ALK: variants seen among roughly 807,000 people sequenced by gnomAD.
The protein encoded by ALK is ALK receptor tyrosine kinase, also known as ALK tyrosine kinase receptor.
ALK carries 74 observed loss-of-function variants against 163.1 expected under a neutral mutation model. The observed-to-expected ratio is 0.45, with a 90% CI of 0.38 to 0.55. The LOEUF (loss-of-function observed/expected upper bound fraction) is 0.55, where lower values mean the gene tolerates loss of function less well. Among genes scored for constraint, ALK ranks in the 20% least tolerant of loss-of-function variants. The probability of loss-of-function intolerance (pLI) is 0.00; values close to 1 mark genes in which losing one functional copy is unlikely to be tolerated. For synonymous variants in ALK, 960 were observed against 843.2 expected, an observed-to-expected ratio of 1.14 and a Z score of -2.40; for missense variants, 2,063 against 2,105.3, an observed-to-expected ratio of 0.98 and a Z score of 0.39.
At chr2:29,906,518 T>C (rs72798438) in intron 1 of ALK, among the ~76,000 whole-genome samples, 4,246 of 152,244 alleles carry the variant, frequency 0.028, 184 homozygotes, top group East Asian at 0.2. Flanking sequence ...CTTCAAATGT[T>C]TGAAGGACCC....
intron 3 of ALK, among the ~76,000 whole-genome samples, chr2:29,619,087 T>C (rs1391314688): frequency 6.6e-6 from 1 of 152,116 alleles, no homozygotes; most frequent in Non-Finnish European, 1.5e-5. Context: ...AAGAAACCCA[T>C]AATTTTGTGG....
intron 3 of ALK, among the ~76,000 whole-genome samples, chr2:29,655,222 A>C (rs72784180): frequency 0.051 from 7,714 of 152,228 alleles, 293 homozygotes; most frequent in Non-Finnish European, 0.074. Flanking sequence ...AAACTTGGCA[A>C]TACTGGGGTA....
chr2:29,912,742 G>C (rs185482251), intron 1 of ALK, among the ~76,000 whole-genome samples: 270 of 152,076 alleles, frequency 1.8e-3, no homozygotes, highest in African/African-American at 6.1e-3. Flanking sequence ...AAGTTTAAGA[G>C]AGTTGTAGAA....
At chr2:29,670,436 C>T (rs1677645846) in intron 3 of ALK, among the ~76,000 whole-genome samples, 1 of 151,916 alleles carries the variant, frequency 6.6e-6, no homozygotes. Context: ...TTCTTGATGA[C>T]TGCAGCATCC....
intron 1 of ALK, among the ~76,000 whole-genome samples, chr2:29,740,866 G>C (rs990002201): frequency 3.3e-5 from 5 of 152,150 alleles, no homozygotes; most frequent in Non-Finnish European, 2.9e-5. Context: ...GCCAGGCGTG[G>C]TGGTGGATGC....
chr2:29,223,473 AG>A lies in ALK; in HGVS notation c.3227del (p.Pro1076LeufsTer5). The A allele has an allele frequency of 6.2e-7, 1 of 1,614,120 alleles. No individual in the cohort carries two copies. The highest frequency in any genetic ancestry group is 8.5e-7 in the Non-Finnish European group (1 of 1,180,010). On this transcript the variant is annotated frameshift_variant, in exon 20 of 29. Coordinates refer to ENST00000389048, the MANE Select transcript of ALK (RefSeq NM_004304.5). LOFTEE classifies it high-confidence loss of function. ...LQAMQMELQS[P>X]EYKLSKLRTS... ...TGCGGAGCTTGCTCAGCTTGTACTCAGGGCTCTGCAGCTCCATCTGCATGGC... is the reference window on the plus strand; with the variant it reads ...TGCGGAGCTTGCTCAGCTTGTACTCAGGCTCTGCAGCTCCATCTGCATGGC...
At chr2:29,889,090 T>A (rs1481133045) in intron 1 of ALK, among the ~76,000 whole-genome samples, 3 of 152,178 alleles carry the variant, frequency 2.0e-5, no homozygotes, top group Non-Finnish European at 4.4e-5. Flanking sequence ...AAAAGTGACT[T>A]TGAATATAAA....
intron 4 of ALK, among the ~76,000 whole-genome samples, chr2:29,479,154 T>G (rs9309670): frequency 0.81 from 123,212 of 152,014 alleles, 50,298 homozygotes; most frequent in Non-Finnish European, 0.86. Context: ...GCACTCAGGG[T>G]TCCCTGAACA....
chr2:29,479,114 G>A (rs1332522606), intron 4 of ALK, among the ~76,000 whole-genome samples: 3 of 152,276 alleles, frequency 2.0e-5, no homozygotes, highest in East Asian at 1.9e-4. Flanking sequence ...GAGAAAGGGA[G>A]TGTGTTAGAG....
chr2:29,545,201 G>A (rs1466551097), intron 3 of ALK, among the ~76,000 whole-genome samples: 1 of 152,210 alleles, frequency 6.6e-6, no homozygotes, highest in African/African-American at 2.4e-5. Context: ...GTGGGACCCA[G>A]ACAGTGGGTC....
At chr2:29,878,245 G>A (rs1050949018) in intron 1 of ALK, among the ~76,000 whole-genome samples, 5 of 152,208 alleles carry the variant, frequency 3.3e-5, no homozygotes, top group African/African-American at 1.2e-4. Flanking sequence ...TCTACCCACC[G>A]AGGAAGGGCA....
intron 11 of ALK, among the ~76,000 whole-genome samples, chr2:29,254,295 C>G (rs1161675934): frequency 9.2e-6 from 1 of 108,758 alleles, no homozygotes; most frequent in African/African-American, 2.7e-5. Context: ...TACATATTCT[C>G]TCTCTCTCTC....
intron 24 of ALK, among the ~76,000 whole-genome samples, chr2:29,212,121 G>A (rs1670288): frequency 0.9 from 137,267 of 152,276 alleles, 63,040 homozygotes; most frequent in Non-Finnish European, 0.98. Flanking sequence ...AAAAACAAAA[G>A]ACAAGTAGAA....
At chr2:29,445,629 T>C (rs555037207) in intron 4 of ALK, among the ~76,000 whole-genome samples, 1 of 152,054 alleles carries the variant, frequency 6.6e-6, no homozygotes, top group African/African-American at 2.4e-5. Context: ...GAGACCAGCC[T>C]GAACAACATG....
At chr2:29,417,451 A>G (rs758965676) in intron 4 of ALK, among the ~76,000 whole-genome samples, 7 of 152,206 alleles carry the variant, frequency 4.6e-5, no homozygotes, top group Non-Finnish European at 1.0e-4. Context: ...AGCTACAAAG[A>G]ACACAGATTC....
intron 3 of ALK, among the ~76,000 whole-genome samples, chr2:29,659,520 AGCGTAGG>A (rs1474042805): frequency 1.3e-5 from 2 of 152,094 alleles, no homozygotes; most frequent in East Asian, 3.9e-4. Context: ...CCCCTTAAGA[AGCGTAGG>A]GCATTCTAAG....
chr2:29,337,281 A>C (rs912982251), intron 5 of ALK, among the ~76,000 whole-genome samples: 2 of 152,220 alleles, frequency 1.3e-5, no homozygotes, highest in Non-Finnish European at 2.9e-5. Context: ...AATGTAAATC[A>C]GCGAGGAGCG....
intron 4 of ALK, among the ~76,000 whole-genome samples, chr2:29,496,789 G>C (rs563504664): frequency 1.3e-5 from 2 of 152,300 alleles, no homozygotes; most frequent in African/African-American, 4.8e-5. Flanking sequence ...CCTCAAGTCT[G>C]GATGCAACTT....
intron 11 of ALK, among the ~76,000 whole-genome samples, chr2:29,261,903 T>A: frequency 6.6e-6 from 1 of 152,122 alleles, no homozygotes; most frequent in East Asian, 1.9e-4. Context: ...CTGCAGAAAA[T>A]CTTTATGTCA....
Sources: gnomAD v4.1 joint callset for allele counts (sites outside exome capture counted in the v4.1 genomes callset) on GRCh38, gnomAD v4.1.1 for gene constraint, MANE v1.5 for transcripts, NCBI Gene and HGNC (gene_info 2026-07-23, HGNC 2026-07-21) for gene names.